The following TNR variants were observed in gnomAD, a reference collection of about 807,000 sequenced individuals.
The protein encoded by TNR is tenascin R, also known as tenascin-R.
A neutral mutation model predicts 150.4 loss-of-function variants in TNR; 45 were observed. The observed-to-expected ratio is 0.30, with a 90% CI of 0.24 to 0.38. The LOEUF is 0.38. Ranked by LOEUF, TNR falls within the 10% of genes least tolerant of loss-of-function variation. TNR has a pLI of 1.00. For synonymous variants in TNR, 687 were observed against 678.4 expected (o/e 1.01, Z -0.20); for missense variants, 1,544 against 1,759.1 (o/e 0.88, Z 2.19).
At chr1:175,533,193 T>C (rs1001446725) in intron 1 of TNR, among the ~76,000 whole-genome samples, 1 of 152,242 alleles carries the variant, frequency 6.6e-6, no homozygotes, top group African/African-American at 2.4e-5. Context: ...GCCACAGACT[T>C]GGAAAGGAAT....
chr1:175,454,217 G>A (rs1656455720), intron 2 of TNR, among the ~76,000 whole-genome samples: 1 of 152,182 alleles, frequency 6.6e-6, no homozygotes, highest in South Asian at 2.1e-4. Flanking sequence ...TCTTGCCACA[G>A]TGTGTGAAAT....
At chr1:175,651,410 A>G (rs1336892123) in intron 1 of TNR, among the ~76,000 whole-genome samples, 1 of 152,146 alleles carries the variant, frequency 6.6e-6, no homozygotes, top group Non-Finnish European at 1.5e-5. Flanking sequence ...ACAGAGAAGC[A>G]TAAAGGTTTT....
chr1:175,541,986 A>G (rs189125539), intron 1 of TNR, among the ~76,000 whole-genome samples: 1 of 152,234 alleles, frequency 6.6e-6, no homozygotes, highest in East Asian at 1.9e-4. Context: ...TCAAAATGAG[A>G]TAATGTAAAC....
intron 1 of TNR, among the ~76,000 whole-genome samples, chr1:175,674,809 G>T (rs926219434): frequency 1.3e-5 from 2 of 152,096 alleles, no homozygotes; most frequent in African/African-American, 4.8e-5. Context: ...AGAGGACCAG[G>T]CCCCCCAGCA....
chr1:175,423,943 T>C (rs909154182), intron 2 of TNR, among the ~76,000 whole-genome samples: 21 of 152,180 alleles, frequency 1.4e-4, no homozygotes, highest in Non-Finnish European at 2.8e-4. Flanking sequence ...GCTATGGGCC[T>C]TGGGGGTTAG....
chr1:175,672,227 T>C (rs1242210788), intron 1 of TNR, among the ~76,000 whole-genome samples: 1 of 152,142 alleles, frequency 6.6e-6, no homozygotes, highest in African/African-American at 2.4e-5. Flanking sequence ...GCACAGGCAC[T>C]CAACAAATGT....
chr1:175,693,617 T>C (rs1666436617), intron 1 of TNR, among the ~76,000 whole-genome samples: 1 of 152,196 alleles, frequency 6.6e-6, no homozygotes, highest in South Asian at 2.1e-4. Context: ...ACAAGAGGGA[T>C]GGGGATGAGG....
At chr1:175,589,740 C>T (rs556940997) in intron 1 of TNR, among the ~76,000 whole-genome samples, 2 of 152,126 alleles carry the variant, frequency 1.3e-5, no homozygotes, top group African/African-American at 4.8e-5. Flanking sequence ...AGCAAACTAA[C>T]ACCAGAACAG....
In TNR at chr1:175,362,580, C is replaced by T. The variant is rs375102644; in HGVS notation, c.2854+83G>A. ...CACCCCGAAATGGAGCCTTAGCCTC[C>T]AGAACCTTTCTACAAGCCCGAACAA... On this transcript the variant is annotated intron_variant, in intron 14 of 22. Coordinates refer to ENST00000367674, the MANE Select transcript of TNR (RefSeq NM_003285.3). 51 of 1,549,712 alleles carry T rather than the reference C, an allele frequency of 3.3e-5. 1 individual carries two copies. The African/African-American group carries it at 4.5e-4, about 14-fold the overall frequency.
At chr1:175,578,528 G>C (rs573057206) in intron 1 of TNR, among the ~76,000 whole-genome samples, 1 of 152,144 alleles carries the variant, frequency 6.6e-6, no homozygotes. Flanking sequence ...GCATACAGAG[G>C]GGGAGCATTA....
At position 175,650,142 on chromosome 1, in the gene TNR, C is replaced by T. The variant is rs565577791; in HGVS notation, c.-165+93084G>A. Among the ~76,000 whole-genome samples the T allele has an allele frequency of 9.9e-5, 15 of 152,218 alleles. No individual in the cohort carries two copies. In the South Asian group the frequency reaches 2.9e-3, roughly 29 times the overall value. On this transcript the variant is annotated intron_variant, in intron 1 of 22. Coordinates refer to ENST00000367674, the MANE Select transcript of TNR (RefSeq NM_003285.3). ...ATCAATGTTTATTGGGAGGCTGAGG[C>T]AGGTAGATCACTTGAAGTCCTGGGA...
intron 1 of TNR, among the ~76,000 whole-genome samples, chr1:175,686,070 C>G (rs1666191235): frequency 6.6e-6 from 1 of 152,060 alleles, no homozygotes; most frequent in African/African-American, 2.4e-5. Context: ...CACACACACA[C>G]AGAGTGTTTT....
At chr1:175,535,316 G>T (rs1462505879) in intron 1 of TNR, among the ~76,000 whole-genome samples, 1 of 152,188 alleles carries the variant, frequency 6.6e-6, no homozygotes, top group Non-Finnish European at 1.5e-5. Context: ...AAATAGATTA[G>T]CAACGAGCTC....
chr1:175,611,622 C>T (rs1663600803), intron 1 of TNR, among the ~76,000 whole-genome samples: 1 of 152,202 alleles, frequency 6.6e-6, no homozygotes, highest in East Asian at 1.9e-4. Context: ...GCATGAGCCT[C>T]TATGCCTGGC....
chr1:175,393,756 G>T, intron 6 of TNR, 24 bp downstream of exon 6: 1 of 1,548,252 alleles, frequency 6.5e-7, no homozygotes, highest in South Asian at 1.1e-5. Context: ...AAGTCTGTTT[G>T]GCAGTGTAAC....
intron 1 of TNR, among the ~76,000 whole-genome samples, chr1:175,715,067 C>T (rs1667117498): frequency 6.6e-6 from 1 of 152,228 alleles, no homozygotes; most frequent in Admixed American, 6.5e-5. Flanking sequence ...GCAGCTTCAG[C>T]ATCCTGTGGA....
At chr1:175,741,017 G>A (rs1337826243) in intron 1 of TNR, among the ~76,000 whole-genome samples, 4 of 152,184 alleles carry the variant, frequency 2.6e-5, no homozygotes, top group Non-Finnish European at 5.9e-5. Flanking sequence ...CTCTTTACCT[G>A]GCTCTTGGCC....
intron 1 of TNR, among the ~76,000 whole-genome samples, chr1:175,558,741 T>C (rs1661294540): frequency 6.6e-6 from 1 of 152,346 alleles, no homozygotes; most frequent in South Asian, 2.1e-4. Context: ...TTCTTTATTA[T>C]AATTTTTTTA....
intron 3 of TNR, among the ~76,000 whole-genome samples, chr1:175,404,232 C>T (rs912662199): frequency 6.6e-6 from 1 of 152,094 alleles, no homozygotes; most frequent in Non-Finnish European, 1.5e-5. Context: ...TTGTGAGGGA[C>T]CTAAGGAGGT....
Sources: gnomAD v4.1 joint callset for allele counts (sites outside exome capture counted in the v4.1 genomes callset) on GRCh38, gnomAD v4.1.1 for gene constraint, MANE v1.5 for transcripts, NCBI Gene and HGNC (gene_info 2026-07-23, HGNC 2026-07-21) for gene names.